NDUFV3: variants seen among roughly 807,000 people sequenced by gnomAD.
The protein encoded by NDUFV3 is NADH dehydrogenase [ubiquinone] flavoprotein 3, mitochondrial.
Under a neutral mutation model 37.5 loss-of-function variants are expected in NDUFV3, and 44 were observed. The observed-to-expected ratio is 1.17, with a 90% CI of 0.92 to 1.51. The LOEUF (loss-of-function observed/expected upper bound fraction) is 1.51. Ranked by LOEUF, NDUFV3 falls within the 40% of genes most tolerant of loss-of-function variation. The pLI, the probability that NDUFV3 is intolerant of heterozygous loss-of-function variation, is 0.00. For synonymous variants in NDUFV3, 235 were observed against 239.3 expected (o/e 0.98, Z 0.17); for missense variants, 580 against 580.4 (o/e 1.00, Z 0.01).
At chr21:42,897,117 C>T (rs2058695880) in intron 2 of NDUFV3, 70 bp downstream of exon 2, 1 of 1,562,678 alleles carries the variant, frequency 6.4e-7, no homozygotes, top group Admixed American at 1.7e-5. Flanking sequence ...GCCTTCGAAG[C>T]ACGACAGTGA....
chr21:42,893,384 AAAG>A lies in NDUFV3; in HGVS notation c.48+4_48+6del, dbSNP rs1226705844. ...AAGGACGAGCCGGGGCGCTGAAGGT[AAAG>A]GAGGAGCCAGCCTGGGCTGGCTGCG... is the stretch of plus-strand genomic sequence containing the variant. On this transcript the variant is annotated splice_donor_5th_base_variant and intron_variant, in intron 1 of 3. Coordinates refer to ENST00000354250, the MANE Select transcript of NDUFV3 (RefSeq NM_021075.4). 7.8e-6 allele frequency: 12 copies of A among 1,536,906 alleles called. No homozygotes were observed. Among genetic ancestry groups the A allele is most frequent in the Non-Finnish European group, 1.0e-5 (12 of 1,146,316 alleles).
Position 42,913,091 on chromosome 21 carries a change from ATAAGTGGGTGTTT to A in NDUFV3, c.*4077_*4089del, listed in dbSNP as rs1185828557. 3 of 152,188 alleles carry A rather than the reference ATAAGTGGGTGTTT, an allele frequency of 2.0e-5. No homozygotes were observed. In the East Asian group the frequency reaches 5.8e-4, roughly 29 times the overall value. 9.4% of individuals were successfully genotyped at this position (152,188 alleles called of 1,614,324 possible). ...AAAATAAATTAATTAATTAAATTAA[ATAAGTGGGTGTTT>A]TAAGTGCTCAGCTTCCTTGGTTCTA... On this transcript the variant is annotated 3_prime_UTR_variant, in exon 4 of 4. Transcript: ENST00000354250.
At position 42,895,379 on chromosome 21, in the gene NDUFV3, G is replaced by T. The variant is rs1021971329; in HGVS notation, c.49-1548G>T. Among the ~76,000 whole-genome samples, 12 of 152,302 alleles carry T rather than the reference G, an allele frequency of 7.9e-5. 1 individual carries two copies. The highest frequency in any genetic ancestry group is 1.3e-4 in the Admixed American group (2 of 15,278). ...TGCCTGTAATCCCAGCTACTTGGGT[G>T]GCTGAGACAGGAGAATTGCTTGAAC... On this transcript the variant is annotated intron_variant, in intron 1 of 3. Coordinates refer to ENST00000354250, the MANE Select transcript of NDUFV3 (RefSeq NM_021075.4).
intron 2 of NDUFV3, among the ~76,000 whole-genome samples, chr21:42,901,478 G>A (rs985871087): frequency 1.2e-4 from 18 of 151,808 alleles, no homozygotes; most frequent in Admixed American, 1.1e-3. Flanking sequence ...GCACACAACT[G>A]TAGTACCAGC....
intron 2 of NDUFV3, among the ~76,000 whole-genome samples, chr21:42,901,078 T>C (rs1348862938): frequency 6.6e-6 from 1 of 152,084 alleles, no homozygotes; most frequent in Admixed American, 6.6e-5. Context: ...GTTTCAGTTT[T>C]AAAAGTAAGG....
chr21:42,901,561 C>A (rs1427185449), intron 2 of NDUFV3, among the ~76,000 whole-genome samples: 1 of 151,434 alleles, frequency 6.6e-6, no homozygotes, highest in Non-Finnish European at 1.5e-5. Context: ...AGATTTGCAC[C>A]ACTGCACTCC....
chr21:42,894,464 A>ATAATATATACTATAT (rs2058679054), intron 1 of NDUFV3, among the ~76,000 whole-genome samples: 1 of 50,234 alleles, frequency 2.0e-5, no homozygotes, highest in South Asian at 4.7e-4. Context: ...ATGTTTATAT[A>ATAATATATACTATAT]AATATATATT....
chr21:42,903,093 A>C, intron 2 of NDUFV3, 89 bp from the exon 3 acceptor site: 1 of 1,520,208 alleles, frequency 6.6e-7, no homozygotes, highest in Non-Finnish European at 9.0e-7. Context: ...TACTGTCAGT[A>C]ATAAGTAATG....
rs541304152 is a variant in NDUFV3, at chr21:42,896,848, T to C, written c.49-79T>C. On this transcript the variant is annotated intron_variant, in intron 1 of 3. Coordinates refer to ENST00000354250, the MANE Select transcript of NDUFV3 (RefSeq NM_021075.4). ...AGAGAGACCCCTGACTCAAAAAATA[T>C]ATATATATATTCATATATAGTACCA... 2.9e-6 allele frequency: 4 copies of C among 1,369,376 alleles called. No individual in the cohort carries two copies. The South Asian group carries it at 5.2e-5, about 18-fold the overall frequency. 84.8% of individuals were successfully genotyped at this position (1,369,376 alleles called of 1,614,324 possible).
chr21:42,899,041 T>C (rs1475865668), intron 2 of NDUFV3, among the ~76,000 whole-genome samples: 1 of 152,178 alleles, frequency 6.6e-6, no homozygotes, highest in Non-Finnish European at 1.5e-5. Context: ...AACACTGACC[T>C]GGGAGCGAGC....
rs1256686201 is a variant in NDUFV3, at chr21:42,894,123, G to C, written c.48+742G>C. On this transcript the variant is annotated intron_variant, in intron 1 of 3. Coordinates refer to ENST00000354250, the MANE Select transcript of NDUFV3 (RefSeq NM_021075.4). Reference sequence around the variant, plus strand: ...CCAGCTACTCGGGAGGCTGAGGTGGGAGGATCCCATGAACCCGGGACGCGG... The same window carrying C: ...CCAGCTACTCGGGAGGCTGAGGTGGCAGGATCCCATGAACCCGGGACGCGG... 3.3e-5 allele frequency among the ~76,000 whole-genome samples: 5 copies of C among 149,786 alleles called. No homozygotes were observed. The East Asian group carries it at 9.9e-4, about 30-fold the overall frequency.
chr21:42,903,696 G>T lies in NDUFV3; in HGVS notation c.684G>T (p.Lys228Asn). ...ATCCAGAGAAGCCCCACCAGCCAAAGAAGAAAGGGTCCCCTGCTAAGCCAT... is the reference window on the plus strand; with the variant it reads ...ATCCAGAGAAGCCCCACCAGCCAAATAAGAAAGGGTCCCCTGCTAAGCCAT... ...ITDPEKPHQP[K>N]KKGSPAKPSE... is the part of the protein sequence containing the mutation. Residue 228 changes from lysine to asparagine, a missense_variant, in exon 3 of 4, where the codon AAG (lysine) becomes AAT (asparagine). By Grantham distance (94) the Lys-to-Asn change is moderately conservative. Transcript: ENST00000354250. 1 of 1,614,150 alleles carries T rather than the reference G, an allele frequency of 6.2e-7. No homozygotes were observed. Among genetic ancestry groups the T allele is most frequent in the Non-Finnish European group, 8.5e-7 (1 of 1,180,030 alleles).
At chr21:42,899,860 C>T (rs1182799902) in intron 2 of NDUFV3, among the ~76,000 whole-genome samples, 1 of 152,170 alleles carries the variant, frequency 6.6e-6, no homozygotes, top group Non-Finnish European at 1.5e-5. Flanking sequence ...GGATTACAGG[C>T]ATGAGCCACC....
In NDUFV3 at chr21:42,893,342, C is replaced by T. The variant is rs1182986796; in HGVS notation, c.9C>T (p.Ala3=). Residue 3 remains alanine, a synonymous_variant, in exon 1 of 4, where the codon GCC becomes GCT. Coordinates refer to ENST00000354250, the MANE Select transcript of NDUFV3 (RefSeq NM_021075.4). The part of the protein sequence containing the change: MA[A]PCLLRQGRAG... The stretch of plus-strand genomic sequence containing the variant: ...CGCCCGCTGTCACCGCCATGGCTGC[C>T]CCGTGTTTGCTGCGGCAAGGACGAG... 5.9e-5 allele frequency: 91 copies of T among 1,538,400 alleles called. No individual in the cohort carries two copies. Among genetic ancestry groups the T allele is most frequent in the Non-Finnish European group, 7.7e-5 (88 of 1,146,404 alleles).
rs1331997703 is a variant in NDUFV3 at position 42,912,420 on chromosome 21, A to G, written c.*3399A>G. 2.0e-5 allele frequency: 3 copies of G among 152,130 alleles called. No individual in the cohort carries two copies. Among genetic ancestry groups the G allele is most frequent in the Non-Finnish European group, 2.9e-5 (2 of 68,078 alleles). 9.4% of individuals were successfully genotyped at this position (152,130 alleles called of 1,614,324 possible). A position where few individuals can be genotyped will look rare whatever the true frequency, so the allele number is the denominator to read the frequency against. On this transcript the variant is annotated 3_prime_UTR_variant, in exon 4 of 4. Coordinates refer to ENST00000354250, the MANE Select transcript of NDUFV3 (RefSeq NM_021075.4). Reference sequence around the variant, plus strand: ...TTGATAGTCCATCTGGTGGCAATACAGTGGTCACCCAAGGGGCCATTGTTT... The same window carrying G: ...TTGATAGTCCATCTGGTGGCAATACGGTGGTCACCCAAGGGGCCATTGTTT...
intron 2 of NDUFV3, among the ~76,000 whole-genome samples, chr21:42,899,277 G>GTTTTTTTTGTTTTTT (rs1555849019): frequency 7.1e-6 from 1 of 141,132 alleles, no homozygotes; most frequent in African/African-American, 2.7e-5. Context: ...GTTGTATCTT[G>GTTTTTTTTGTTTTTT]TTTTTTTTTG....
intron 1 of NDUFV3, among the ~76,000 whole-genome samples, chr21:42,894,791 A>G (rs1166612473): frequency 6.6e-6 from 1 of 151,610 alleles, no homozygotes; most frequent in Non-Finnish European, 1.5e-5. Flanking sequence ...TCACATAAGC[A>G]CATGTACTCA....
chr21:42,897,382 C>T (rs1194439645), intron 2 of NDUFV3, among the ~76,000 whole-genome samples: 1 of 151,968 alleles, frequency 6.6e-6, no homozygotes, highest in Middle Eastern at 3.4e-3. Context: ...AGCCACCTTA[C>T]TTTCCATCCT....
At chr21:42,893,493 C>T in intron 1 of NDUFV3, 112 bp downstream of exon 1, 4 of 1,245,308 alleles carry the variant, frequency 3.2e-6, no homozygotes, top group Non-Finnish European at 4.5e-6. Flanking sequence ...CTCTAGCCGT[C>T]CTAGTTGGGC....
Sources: allele counts gnomAD v4.1 joint callset (sites outside exome capture counted in the v4.1 genomes callset), GRCh38; gene constraint gnomAD v4.1.1; transcripts MANE v1.5; gene names NCBI Gene and HGNC (gene_info 2026-07-23, HGNC 2026-07-21).